Variants in NFIA observed in about 807,000 individuals in gnomAD.
NFIA encodes the protein nuclear factor I A.
NFIA carries 8 observed loss-of-function variants against 62.8 expected under a neutral mutation model. The observed-to-expected ratio is 0.13, with a 90% CI of 0.07 to 0.23. The LOEUF is 0.23. Ranked by LOEUF, NFIA falls within the 10% of genes least tolerant of loss-of-function variation. NFIA has a pLI of 1.00. For missense variants in NFIA, 410 were observed against 642.1 expected (o/e 0.64, Z 3.91); for synonymous variants, 235 against 238.1 (o/e 0.99, Z 0.12).
intron 2 of NFIA, among the ~76,000 whole-genome samples, chr1:61,144,651 C>T (rs998901889): frequency 6.6e-6 from 1 of 152,158 alleles, no homozygotes; most frequent in Non-Finnish European, 1.5e-5. Flanking sequence ...ATGAGGTTGA[C>T]AGTAATAGGA....
rs1415819476 is a variant in NFIA at position 61,105,795 on chromosome 1, A to T, written c.559+17115A>T. Among the ~76,000 whole-genome samples the T allele has an allele frequency of 2.6e-5, 4 of 151,778 alleles. No individual in the cohort carries two copies. In the East Asian group the frequency reaches 7.7e-4, roughly 29 times the overall value. ...CTATTGCCATTTCTTGACTTAGCAC[A>T]CCTAGGAAGGCATTTTGAAACATAC... On this transcript the variant is annotated intron_variant, in intron 2 of 10. Coordinates refer to ENST00000403491, the MANE Select transcript of NFIA (RefSeq NM_001134673.4).
At chr1:61,207,558 A>G (rs1266888293) in intron 2 of NFIA, among the ~76,000 whole-genome samples, 1 of 152,166 alleles carries the variant, frequency 6.6e-6, no homozygotes, top group Non-Finnish European at 1.5e-5. Flanking sequence ...TCAGTTGATG[A>G]TAGTCCAGAG....
intron 2 of NFIA, among the ~76,000 whole-genome samples, chr1:61,145,346 A>C (rs1647848090): frequency 6.6e-6 from 1 of 152,218 alleles, no homozygotes; most frequent in Non-Finnish European, 1.5e-5. Context: ...TGCAATTATG[A>C]GGAGGATGTT....
intron 7 of NFIA, among the ~76,000 whole-genome samples, chr1:61,383,660 T>TGTG (rs1557746637): frequency 6.6e-6 from 1 of 151,528 alleles, no homozygotes; most frequent in East Asian, 1.9e-4. Flanking sequence ...GTTCTACAAG[T>TGTG]TGTGTGTGTG....
chr1:61,407,329 T>A (rs1379786981), intron 9 of NFIA, among the ~76,000 whole-genome samples: 1 of 152,024 alleles, frequency 6.6e-6, no homozygotes, highest in Non-Finnish European at 1.5e-5. Context: ...GAGAGTAGGA[T>A]GGAAGGAGGA....
intron 2 of NFIA, among the ~76,000 whole-genome samples, chr1:61,267,747 A>G (rs185004719): frequency 2.6e-5 from 4 of 152,310 alleles, no homozygotes; most frequent in Non-Finnish European, 5.9e-5. Flanking sequence ...TTATGAATGT[A>G]CACAACAACT....
intron 2 of NFIA, among the ~76,000 whole-genome samples, chr1:61,130,015 T>C (rs1057505751): frequency 1.2e-4 from 18 of 152,218 alleles, no homozygotes; most frequent in Middle Eastern, 6.8e-3. Flanking sequence ...GTGGTTCTTA[T>C]ATTGGTAAGA....
intron 8 of NFIA, among the ~76,000 whole-genome samples, chr1:61,404,977 A>T (rs185666080): frequency 7.2e-5 from 11 of 152,334 alleles, no homozygotes; most frequent in African/African-American, 2.6e-4. Flanking sequence ...ATAGGATTAG[A>T]TGTTTACAGT....
chr1:61,293,973 A>T (rs1334316656), intron 3 of NFIA, among the ~76,000 whole-genome samples: 1 of 152,220 alleles, frequency 6.6e-6, no homozygotes, highest in Non-Finnish European at 1.5e-5. Flanking sequence ...ACTGAGTTGG[A>T]ATCAGAAAAA....
At chr1:61,441,292 G>T (rs1010402279) in intron 10 of NFIA, among the ~76,000 whole-genome samples, 2 of 139,372 alleles carry the variant, frequency 1.4e-5, no homozygotes, top group African/African-American at 2.7e-5. Context: ...GCCGTGCAGG[G>T]GTGTGTGTGT....
intron 2 of NFIA, among the ~76,000 whole-genome samples, chr1:61,243,532 ATTAC>A (rs1408350008): frequency 3.9e-5 from 6 of 152,316 alleles, no homozygotes; most frequent in African/African-American, 1.2e-4. Flanking sequence ...AATACTGATT[ATTAC>A]TTGTCAATTT....
intron 2 of NFIA, among the ~76,000 whole-genome samples, chr1:61,155,552 A>C (rs997611504): frequency 2.6e-5 from 4 of 151,810 alleles, no homozygotes; most frequent in African/African-American, 9.7e-5. Context: ...GGGTGCCTGT[A>C]GTCCCAGCTA....
At chr1:61,131,479 T>C (rs1340501203) in intron 2 of NFIA, among the ~76,000 whole-genome samples, 1 of 152,196 alleles carries the variant, frequency 6.6e-6, no homozygotes, top group Non-Finnish European at 1.5e-5. Flanking sequence ...AAGGCAAGCA[T>C]ATTAGGGGAA....
At chr1:61,341,081 T>TG (rs1661878898) in intron 4 of NFIA, among the ~76,000 whole-genome samples, 1 of 123,360 alleles carries the variant, frequency 8.1e-6, no homozygotes, top group Admixed American at 8.0e-5. Flanking sequence ...TTTTTTTTTT[T>TG]GAGATGGAGT....
At chr1:61,424,349 C>G (rs1666770206) in intron 9 of NFIA, among the ~76,000 whole-genome samples, 4 of 151,938 alleles carry the variant, frequency 2.6e-5, no homozygotes, top group Non-Finnish European at 4.4e-5. Flanking sequence ...ACACCCCCCC[C>G]TCAACCCCCA....
chr1:61,198,626 G>A (rs552500649), intron 2 of NFIA, among the ~76,000 whole-genome samples: 10 of 152,196 alleles, frequency 6.6e-5, no homozygotes, highest in South Asian at 6.2e-4. Flanking sequence ...AATTGCAGTC[G>A]TGGTCCTCTG....
chr1:61,088,625 A>G lies in NFIA; in HGVS notation c.504A>G (p.Ile168Met). 1 of 1,614,114 alleles carries G rather than the reference A, an allele frequency of 6.2e-7. No individual in the cohort carries two copies. The highest frequency in any genetic ancestry group is 8.5e-7 in the Non-Finnish European group (1 of 1,179,992). Residue 168 changes from isoleucine to methionine, a missense_variant, in exon 2 of 11, where the codon ATA becomes ATG. Ile to Met is a conservative substitution (Grantham distance 10). This residue lies in a region of NFIA where 298 missense variants were observed against 438.1 expected (regional missense o/e 0.68). Coordinates refer to ENST00000403491, the MANE Select transcript of NFIA (RefSeq NM_001134673.4). The surrounding 1 kb of genome is among the most constrained non-coding windows in gnomAD (Gnocchi z 4.5). ...GGCTCTGTGTCCAACCCCATCACAT[A>G]GGGGTTTCTGTTAAGGAACTCGATT... ...NPGLCVQPHHIGVSVKELDLY... is the reference protein window; with the variant it reads ...NPGLCVQPHHMGVSVKELDLY...
chr1:61,240,418 A>G (rs1655275060), intron 2 of NFIA, among the ~76,000 whole-genome samples: 1 of 152,114 alleles, frequency 6.6e-6, no homozygotes. Context: ...CACAAGATTC[A>G]AAATTCTTTA....
intron 2 of NFIA, among the ~76,000 whole-genome samples, chr1:61,140,539 C>T (rs1004301372): frequency 2.2e-4 from 34 of 152,078 alleles, no homozygotes; most frequent in African/African-American, 7.5e-4. Flanking sequence ...GTTTTCTCTT[C>T]GCAATGGCTT....
Sources: gnomAD v4.1 joint callset for allele counts (sites outside exome capture counted in the v4.1 genomes callset) on GRCh38, gnomAD v4.1.1 for gene constraint, gnomAD v4.1.1 regional missense constraint, Gnocchi (gnomAD v3.1) non-coding constraint, MANE v1.5 for transcripts, NCBI Gene and HGNC (gene_info 2026-07-23, HGNC 2026-07-21) for gene names.